SORCS2: variants seen among roughly 807,000 people sequenced by gnomAD.
The protein encoded by SORCS2 is sortilin related VPS10 domain containing receptor 2.
SORCS2 carries 100 observed loss-of-function variants against 141.6 expected under a neutral mutation model. The ratio of observed to expected loss-of-function variants is 0.71; its 90% CI spans 0.60 to 0.83. The LOEUF is 0.83. Ranked by LOEUF, SORCS2 falls within the 40% of genes least tolerant of loss-of-function variation. The pLI is 0.00. For synonymous variants in SORCS2, 789 were observed against 676.9 expected (o/e 1.17, Z -2.57); for missense variants, 1,646 against 1,560.2 (o/e 1.05, Z -0.93).
chr4:7,284,335 C>T (rs964085059), intron 1 of SORCS2, among the ~76,000 whole-genome samples: 3 of 152,204 alleles, frequency 2.0e-5, no homozygotes, highest in African/African-American at 7.2e-5. Flanking sequence ...CTTCCCTGCA[C>T]ACCCACTGCT....
chr4:7,569,368 TGGGCATGGTG>T (rs1715228035), intron 3 of SORCS2, among the ~76,000 whole-genome samples: 1 of 152,066 alleles, frequency 6.6e-6, no homozygotes, highest in Non-Finnish European at 1.5e-5. Flanking sequence ...AAAAATTAGC[TGGGCATGGTG>T]GGGCACACCT....
chr4:7,352,845 A>T (rs1482888517), intron 1 of SORCS2, among the ~76,000 whole-genome samples: 1 of 152,164 alleles, frequency 6.6e-6, no homozygotes, highest in Non-Finnish European at 1.5e-5. Flanking sequence ...GGCCTTTGTC[A>T]TCCTGGGGTG....
At chr4:7,407,784 A>G (rs1289201622) in intron 2 of SORCS2, among the ~76,000 whole-genome samples, 1 of 151,892 alleles carries the variant, frequency 6.6e-6, no homozygotes, top group Non-Finnish European at 1.5e-5. Context: ...TTTGTGGTTA[A>G]GTGCTTTTTC....
intron 26 of SORCS2, among the ~76,000 whole-genome samples, chr4:7,739,255 T>G (rs1712454992): frequency 6.6e-6 from 1 of 152,026 alleles, no homozygotes; most frequent in Admixed American, 6.5e-5. Context: ...CCTACAACTC[T>G]AAAGACCCCT....
intron 3 of SORCS2, among the ~76,000 whole-genome samples, chr4:7,555,007 G>A (rs1359727310): frequency 6.6e-6 from 1 of 152,178 alleles, no homozygotes; most frequent in East Asian, 1.9e-4. Context: ...GGAATCAGCT[G>A]CTCAGCCCAG....
intron 2 of SORCS2, among the ~76,000 whole-genome samples, chr4:7,510,564 G>A (rs1339574353): frequency 6.6e-6 from 1 of 151,868 alleles, no homozygotes; most frequent in East Asian, 1.9e-4. Flanking sequence ...GGCATGTCCA[G>A]GAAATGCGAC....
chr4:7,370,660 C>A (rs534239410), intron 1 of SORCS2, among the ~76,000 whole-genome samples: 6 of 152,336 alleles, frequency 3.9e-5, no homozygotes, highest in Admixed American at 3.9e-4. Flanking sequence ...CCCTGCCTGC[C>A]GGTGGCGGGG....
chr4:7,739,694 G>T (rs994858878), intron 26 of SORCS2, among the ~76,000 whole-genome samples: 9 of 152,250 alleles, frequency 5.9e-5, no homozygotes, highest in Middle Eastern at 3.4e-3. Context: ...CCCTTGAGGC[G>T]GGGCAGCTCT....
At chr4:7,610,048 C>T (rs930454414) in intron 3 of SORCS2, among the ~76,000 whole-genome samples, 12 of 152,236 alleles carry the variant, frequency 7.9e-5, no homozygotes, top group African/African-American at 9.6e-5. Context: ...AGCTCACTAA[C>T]ACCCTCTCCC....
chr4:7,362,118 C>T (rs901436800), intron 1 of SORCS2, among the ~76,000 whole-genome samples: 1 of 152,052 alleles, frequency 6.6e-6, no homozygotes, highest in Non-Finnish European at 1.5e-5. Context: ...CATGGAAGGG[C>T]CTAGGGAACA....
chr4:7,628,241 G>A (rs901028009), intron 3 of SORCS2, among the ~76,000 whole-genome samples: 4 of 152,168 alleles, frequency 2.6e-5, no homozygotes, highest in African/African-American at 9.7e-5. Flanking sequence ...TTAAAAGTTC[G>A]GCCAGGCGCG....
chr4:7,225,980 A>G (rs1406265793), intron 1 of SORCS2, among the ~76,000 whole-genome samples: 1 of 152,122 alleles, frequency 6.6e-6, no homozygotes, highest in Non-Finnish European at 1.5e-5. Context: ...AGGGGAGGCA[A>G]CAAAGGCCCT....
At chr4:7,696,968 C>T (rs1724751165) in intron 11 of SORCS2, among the ~76,000 whole-genome samples, 1 of 152,180 alleles carries the variant, frequency 6.6e-6, no homozygotes, top group African/African-American at 2.4e-5. Flanking sequence ...CCACCTGTCC[C>T]GGGCCTCTGC....
intron 1 of SORCS2, among the ~76,000 whole-genome samples, chr4:7,215,142 C>T (rs922420241): frequency 3.2e-4 from 48 of 152,086 alleles, no homozygotes; most frequent in African/African-American, 1.1e-3. Context: ...GAGGCGCGAG[C>T]GGGAACCGGG....
At chr4:7,697,935 A>C (rs1009414093) in intron 12 of SORCS2, among the ~76,000 whole-genome samples, 4 of 152,168 alleles carry the variant, frequency 2.6e-5, no homozygotes, top group African/African-American at 9.7e-5. Flanking sequence ...TCTGTGCTCC[A>C]TGCAGCCCCA....
chr4:7,291,579 A>T (rs1716608311), intron 1 of SORCS2, among the ~76,000 whole-genome samples: 1 of 152,050 alleles, frequency 6.6e-6, no homozygotes, highest in Non-Finnish European at 1.5e-5. Flanking sequence ...CAGCAGCAGA[A>T]ATGCCTCAGC....
intron 3 of SORCS2, among the ~76,000 whole-genome samples, chr4:7,558,143 C>T (rs1714270851): frequency 6.6e-6 from 1 of 152,214 alleles, no homozygotes; most frequent in African/African-American, 2.4e-5. Flanking sequence ...GTCACCTCTT[C>T]TTCAAGTGGC....
intron 3 of SORCS2, among the ~76,000 whole-genome samples, chr4:7,567,861 C>T (rs924234359): frequency 1.3e-5 from 2 of 152,196 alleles, no homozygotes; most frequent in Non-Finnish European, 2.9e-5. Context: ...TTATTTTCTC[C>T]TTTCAGCTAT....
rs573969338 is a variant in SORCS2, at chr4:7,735,554, G to C, written c.3311+1180G>C. 2.6e-5 allele frequency: 4 copies of C among 154,522 alleles called. No individual in the cohort carries two copies. The East Asian group carries it at 7.8e-4, about 30-fold the overall frequency. The allele number at this position is 154,522 out of a possible 1,614,324, so 9.6% of individuals were successfully genotyped here. On this transcript the variant is annotated intron_variant, in intron 25 of 26. Coordinates refer to ENST00000507866, the MANE Select transcript of SORCS2 (RefSeq NM_020777.3). ...CTCAGAGCTGAACTGGAGAATCTGG[G>C]AGGACTTCCCTGAGGAAGTGACTTC...
Sources: gnomAD v4.1 joint callset for allele counts (sites outside exome capture counted in the v4.1 genomes callset) on GRCh38, gnomAD v4.1.1 for gene constraint, MANE v1.5 for transcripts, NCBI Gene and HGNC (gene_info 2026-07-23, HGNC 2026-07-21) for gene names.